The following NANS variants were observed in gnomAD, a reference collection of about 807,000 sequenced individuals.
The protein encoded by NANS is N-acetylneuraminate-9-phosphate synthase.
NANS carries 29 observed loss-of-function variants against 33.3 expected under a neutral mutation model. The ratio of observed to expected loss-of-function variants is 0.87; its 90% confidence interval spans 0.65 to 1.19. The LOEUF is 1.19. NANS is among the 50% of genes most tolerant of loss of function. The pLI is 0.00. For synonymous variants in NANS, 163 were observed against 177.2 expected, an observed-to-expected ratio of 0.92 and a Z score of 0.64; for missense variants, 394 against 461.1, an observed-to-expected ratio of 0.85 and a Z score of 1.33.
At chr9:98,057,679 G>A (rs1828865707) in intron 1 of NANS, among the ~76,000 whole-genome samples, 1 of 152,054 alleles carries the variant, frequency 6.6e-6, no homozygotes, top group African/African-American at 2.4e-5. Context: ...TGTTGGGACT[G>A]CCATATTCTT....
chr9:98,065,593 C>T (rs1185092966), intron 2 of NANS, among the ~76,000 whole-genome samples: 2 of 147,818 alleles, frequency 1.4e-5, no homozygotes, highest in African/African-American at 2.5e-5. Flanking sequence ...CCCTTCTTGG[C>T]CTCCCAAAGT....
intron 2 of NANS, among the ~76,000 whole-genome samples, chr9:98,066,564 C>A (rs753659928): frequency 7.9e-5 from 12 of 152,022 alleles, no homozygotes; most frequent in Non-Finnish European, 1.8e-4. Flanking sequence ...ACCGTTAGAA[C>A]ATTTTTTATC....
chr9:98,080,971 G>A lies in NANS; in HGVS notation c.759G>A (p.Ser253=), dbSNP rs751783502. The change falls in exon 5 of 6, where the codon TCG becomes TCA. Residue 253 remains serine (S), a synonymous_variant. Coordinates refer to ENST00000210444, the MANE Select transcript of NANS (RefSeq NM_018946.4). ...KTWKGSDHSA[S]LEPGELAELV... ...GGAAGGGGAGTGACCACTCGGCCTC[G>A]CTGGAGCCTGGAGAACTGGCCGAGC... 1.6e-5 allele frequency: 26 copies of A among 1,614,054 alleles called. No individual in the cohort carries two copies. The highest frequency in any genetic ancestry group is 7.7e-5 in the South Asian group (7 of 91,090).
chr9:98,078,348 G>A lies in NANS; in HGVS notation c.603+1G>A, dbSNP rs750444122. 6.2e-7 allele frequency: 1 copy of A among 1,613,692 alleles called. No individual in the cohort carries two copies. The highest frequency in any genetic ancestry group is 2.2e-5 in the East Asian group (1 of 44,876). On this transcript the variant is annotated splice_donor_variant, in intron 4 of 5. Transcript: ENST00000210444. LOFTEE classifies it high-confidence loss of function. ...GGACGTCAACCTGCGGGTCATCTCG[G>A]TGAGCAGGAGGGAGGGGGTTCCCTT...
chr9:98,066,826 T>C (rs977200196), intron 2 of NANS, among the ~76,000 whole-genome samples: 1 of 152,116 alleles, frequency 6.6e-6, no homozygotes, highest in Admixed American at 6.6e-5. Context: ...AATTTTTGTA[T>C]TTTTAGTGGA....
intron 1 of NANS, among the ~76,000 whole-genome samples, chr9:98,059,697 G>C (rs1356459115): frequency 6.6e-6 from 1 of 151,556 alleles, no homozygotes; most frequent in Non-Finnish European, 1.5e-5. Flanking sequence ...TTATAGGCAT[G>C]GGCCACTGTG....
intron 1 of NANS, 58 bp downstream of exon 1, chr9:98,056,998 C>T (rs1828845881): frequency 6.7e-7 from 1 of 1,493,684 alleles, no homozygotes; most frequent in Non-Finnish European, 8.9e-7. Flanking sequence ...GGGGCGGGGC[C>T]GCGGGGAGCC....
rs1269279312 is a variant in NANS, at chr9:98,081,011, C to G, written c.799C>G (p.Arg267Gly). 3 of 1,614,196 alleles carry G rather than the reference C, an allele frequency of 1.9e-6. No homozygotes were observed. The highest frequency in any genetic ancestry group is 2.5e-6 in the Non-Finnish European group (3 of 1,180,038). The change falls in exon 5 of 6, where the codon CGT (arginine) becomes GGT (glycine). Residue 267 changes from arginine to glycine, a missense_variant. Transcript: ENST00000210444. ...GELAELVRSVRLVERALGSPT... is the reference protein window; with the variant it reads ...GELAELVRSVGLVERALGSPT... ...ACTGGCCGAGCTGGTGCGGTCAGTGCGTCTTGTGGAGCGTGCCCTGGGCTC... is the reference window on the plus strand; with the variant it reads ...ACTGGCCGAGCTGGTGCGGTCAGTGGGTCTTGTGGAGCGTGCCCTGGGCTC...
chr9:98,074,644 T>C (rs1318780246), intron 2 of NANS: 1 of 152,204 alleles, frequency 6.6e-6, no homozygotes, highest in Non-Finnish European at 1.5e-5. Context: ...TTTTCTTTAC[T>C]TGAAAATTAC....
rs138455926 is a variant in NANS at position 98,073,849 on chromosome 9, C to T, written c.349-3069C>T. ...TCACCCAGGCTGGAGTGCAGTGACACGACCTCAGCTCAGTGCAGCCTCAAC... is the reference window on the plus strand; with the variant it reads ...TCACCCAGGCTGGAGTGCAGTGACATGACCTCAGCTCAGTGCAGCCTCAAC... On this transcript the variant is annotated intron_variant, in intron 2 of 5. Transcript: ENST00000210444. Among the ~76,000 whole-genome samples, 521 of 151,986 alleles carry T rather than the reference C, an allele frequency of 3.4e-3. 2 individuals carry two copies. Among genetic ancestry groups the T allele is most frequent in the African/African-American group, 0.012 (481 of 41,316 alleles).
intron 2 of NANS, among the ~76,000 whole-genome samples, chr9:98,068,080 T>C (rs1020137236): frequency 2.6e-5 from 4 of 152,174 alleles, no homozygotes; most frequent in Non-Finnish European, 5.9e-5. Flanking sequence ...TTTGATGATG[T>C]CCAAATTATC....
chr9:98,059,071 T>A (rs1023287464), intron 1 of NANS, among the ~76,000 whole-genome samples: 1 of 152,126 alleles, frequency 6.6e-6, no homozygotes, highest in Non-Finnish European at 1.5e-5. Flanking sequence ...TCACCCAGGC[T>A]GGAGTGCAGT....
intron 1 of NANS, among the ~76,000 whole-genome samples, chr9:98,057,919 C>G (rs1399283243): frequency 1.1e-5 from 1 of 90,110 alleles, no homozygotes; most frequent in Non-Finnish European, 2.1e-5. Flanking sequence ...TTTTTTTTTC[C>G]TGGTTTTTTT....
intron 4 of NANS, among the ~76,000 whole-genome samples, chr9:98,080,539 G>A (rs1014568778): frequency 1.4e-4 from 21 of 152,308 alleles, no homozygotes; most frequent in African/African-American, 4.6e-4. Flanking sequence ...GGTGTATTGT[G>A]CAATGTGAAA....
chr9:98,074,346 G>C (rs1829485072), intron 2 of NANS, among the ~76,000 whole-genome samples: 1 of 152,142 alleles, frequency 6.6e-6, no homozygotes, highest in Admixed American at 6.6e-5. Context: ...AGGCTGCCGG[G>C]CTGCATGGAA....
Position 98,078,225 on chromosome 9 carries a change from T to C in NANS, c.481T>C (p.Ser161Pro). The C allele has an allele frequency of 6.2e-7, 1 of 1,614,150 alleles. No homozygotes were observed. The highest frequency in any genetic ancestry group is 8.5e-7 in the Non-Finnish European group (1 of 1,180,026). The stretch of plus-strand genomic sequence containing the variant: ...AATGGTGATCTCCAGTGGGATGCAG[T>C]CAATGGACACCATGAAGCAAGTTTA... Reference protein sequence around the residue: ...RPMVISSGMQSMDTMKQVYQI... With the variant: ...RPMVISSGMQPMDTMKQVYQI... The change falls in exon 4 of 6, where the codon TCA becomes CCA. Residue 161 changes from serine (S) to proline (P), a missense_variant. By Grantham distance (74) the Ser-to-Pro change is moderately conservative (BLOSUM62 -1). Coordinates refer to ENST00000210444, the MANE Select transcript of NANS (RefSeq NM_018946.4).
chr9:98,061,536 C>G (rs1471540621), intron 2 of NANS, among the ~76,000 whole-genome samples: 5 of 148,856 alleles, frequency 3.4e-5, no homozygotes, highest in Non-Finnish European at 5.9e-5. Context: ...AATCCCAGCA[C>G]TTTGGGAGGC....
rs758040892 is a variant in NANS at position 98,065,308 on chromosome 9, C to CTTTT, written c.348+4329_348+4332dup. ...TTTAAAGTGTTAGTCACTCCTGGTG[C>CTTTT]TTTTTTTTTTTTTTTTTTTTTGAAA... On this transcript the variant is annotated intron_variant, in intron 2 of 5. Coordinates refer to ENST00000210444, the MANE Select transcript of NANS (RefSeq NM_018946.4). Among the ~76,000 whole-genome samples, 77 of 92,744 alleles carry CTTTT rather than the reference C, an allele frequency of 8.3e-4. 4 individuals are homozygous for CTTTT. Among genetic ancestry groups the CTTTT allele is most frequent in the African/African-American group, 2.1e-3 (42 of 20,176 alleles). The allele number at this position is 92,744 out of a possible 152,430, so 60.8% of individuals were successfully genotyped here.
rs368286579 is a variant in NANS, at chr9:98,056,860, C to T, written c.52C>T (p.Pro18Ser). 2 of 1,612,262 alleles carry T rather than the reference C, an allele frequency of 1.2e-6. 1 individual carries two copies. The highest frequency in any genetic ancestry group is 4.5e-5 in the East Asian group (2 of 44,824). Residue 18 changes from proline to serine, a missense_variant, in exon 1 of 6, where the codon CCG (proline) becomes TCG (serine). Physicochemically the swap from Pro to Ser is moderately conservative, Grantham distance 74 (BLOSUM62 -1). Transcript: ENST00000210444. ...CPGRWVGGQH[P>S]CFIIAEIGQN... ...CGGGCGCTGGGTGGGCGGGCAACAC[C>T]CGTGCTTCATCATTGCCGAGATCGG...
Sources: gnomAD v4.1 joint callset for allele counts (sites outside exome capture counted in the v4.1 genomes callset) on GRCh38, gnomAD v4.1.1 for gene constraint, MANE v1.5 for transcripts, NCBI Gene and HGNC (gene_info 2026-07-23, HGNC 2026-07-21) for gene names.